The following SGCD variants were observed in gnomAD, a reference collection of about 807,000 sequenced individuals.
SGCD encodes the protein sarcoglycan delta.
SGCD carries 18 observed loss-of-function variants against 36.6 expected under a neutral mutation model. That is an observed-to-expected ratio of 0.49 (90% confidence interval 0.34 to 0.73). The LOEUF (loss-of-function observed/expected upper bound fraction) is 0.73. SGCD is among the 30% of genes least tolerant of loss of function. The pLI is 0.01. For synonymous variants in SGCD, 133 were observed against 130.6 expected (o/e 1.02, Z -0.12); for missense variants, 387 against 346.7 (o/e 1.12, Z -0.92).
At chr5:155,960,421 G>A (rs529655786) in intron 1 of SGCD, among the ~76,000 whole-genome samples, 31 of 152,140 alleles carry the variant, frequency 2.0e-4, no homozygotes, top group Non-Finnish European at 3.4e-4. Flanking sequence ...CCAGTCTTCT[G>A]TTTGAGGCAA....
chr5:155,795,215 G>A, the SGCD span, among the ~76,000 whole-genome samples: 3 of 152,136 alleles, frequency 2.0e-5, no homozygotes, highest in South Asian at 6.2e-4. Flanking sequence ...CAGAGATGCA[G>A]GAATAAATAG....
At chr5:156,433,336 A>G (rs1334502699) in intron 3 of SGCD, among the ~76,000 whole-genome samples, 1 of 152,132 alleles carries the variant, frequency 6.6e-6, no homozygotes, top group Non-Finnish European at 1.5e-5. Flanking sequence ...TACCAAAACC[A>G]TAGCCTATTC....
intron 1 of SGCD, among the ~76,000 whole-genome samples, chr5:156,038,855 C>T (rs1759564737): frequency 6.6e-6 from 1 of 152,104 alleles, no homozygotes; most frequent in African/African-American, 2.4e-5. Flanking sequence ...TTTTTCCTGT[C>T]TAACATTGTT....
At chr5:156,609,627 T>A (rs1357899648) in intron 6 of SGCD, among the ~76,000 whole-genome samples, 1 of 152,242 alleles carries the variant, frequency 6.6e-6, no homozygotes. Flanking sequence ...CTGGATAATA[T>A]CCTGCAGAGT....
intron 3 of SGCD, among the ~76,000 whole-genome samples, chr5:156,360,567 G>A (rs1769734543): frequency 1.3e-5 from 2 of 152,000 alleles, no homozygotes; most frequent in South Asian, 4.2e-4. Flanking sequence ...ACCTTTGAGT[G>A]CTGTCTTCAC....
At chr5:156,424,974 A>G (rs895044648) in intron 3 of SGCD, among the ~76,000 whole-genome samples, 9 of 152,064 alleles carry the variant, frequency 5.9e-5, no homozygotes, top group African/African-American at 1.9e-4. Context: ...CCAAAATCCC[A>G]GATTCCCAGA....
chr5:156,503,944 C>T (rs1463561332), intron 3 of SGCD, among the ~76,000 whole-genome samples: 2 of 151,922 alleles, frequency 1.3e-5, no homozygotes, highest in Non-Finnish European at 2.9e-5. Context: ...TGGCTCATGC[C>T]TGTAATTCCA....
chr5:156,528,051 C>A (rs1376211033), intron 4 of SGCD, among the ~76,000 whole-genome samples: 1 of 152,002 alleles, frequency 6.6e-6, no homozygotes, highest in Non-Finnish European at 1.5e-5. Context: ...TTTACATTTA[C>A]CTGTTTGTTT....
intron 1 of SGCD, among the ~76,000 whole-genome samples, chr5:156,012,644 G>C (rs891668026): frequency 2.0e-5 from 3 of 146,840 alleles, no homozygotes; most frequent in Non-Finnish European, 4.5e-5. Flanking sequence ...AGGGAGTCTC[G>C]CTCTGTGGCC....
intron 3 of SGCD, among the ~76,000 whole-genome samples, chr5:156,386,282 A>G (rs995622118): frequency 2.0e-5 from 3 of 152,214 alleles, no homozygotes; most frequent in Non-Finnish European, 4.4e-5. Context: ...GTCTGTGACT[A>G]TCTTCTGTGT....
chr5:156,756,313 A>T (rs568122566), intron 7 of SGCD, among the ~76,000 whole-genome samples: 5 of 152,322 alleles, frequency 3.3e-5, no homozygotes, highest in Admixed American at 2.6e-4. Flanking sequence ...TTGAAAGGCC[A>T]AAGAGAGAAG....
intron 3 of SGCD, among the ~76,000 whole-genome samples, chr5:156,303,932 G>A (rs1767128534): frequency 6.6e-6 from 1 of 151,810 alleles, no homozygotes; most frequent in South Asian, 2.1e-4. Context: ...TATGGTTAGG[G>A]GAGGAGTGAC....
At chr5:156,501,235 C>T (rs1478596362) in intron 3 of SGCD, among the ~76,000 whole-genome samples, 1 of 152,138 alleles carries the variant, frequency 6.6e-6, no homozygotes, top group Non-Finnish European at 1.5e-5. Context: ...TTTCCCAGCA[C>T]ATCTAGCACA....
At chr5:156,030,254 A>G (rs1759316279) in intron 1 of SGCD, among the ~76,000 whole-genome samples, 1 of 152,192 alleles carries the variant, frequency 6.6e-6, no homozygotes, top group Admixed American at 6.5e-5. Context: ...TGTAGGATCT[A>G]AGAATGTGAC....
At chr5:156,636,184 G>C (rs546713973) in intron 6 of SGCD, among the ~76,000 whole-genome samples, 2 of 152,094 alleles carry the variant, frequency 1.3e-5, no homozygotes, top group Admixed American at 6.6e-5. Flanking sequence ...CTGGTAGAAA[G>C]CTATTTCACT....
rs575289368 is a variant in SGCD, at chr5:156,146,174, T to C, written c.-44+22155T>C. On this transcript the variant is annotated intron_variant, in intron 3 of 9. Coordinates refer to the SGCD transcript ENST00000517913. ...CTTGCAGTGAGCTGAGATAGCGCCA[T>C]TGCACTCCAGCCTGGGCGACAGAGC... is the stretch of plus-strand genomic sequence containing the variant. Among the ~76,000 whole-genome samples, 42 of 152,138 alleles carry C rather than the reference T, an allele frequency of 2.8e-4. No individual in the cohort carries two copies. The South Asian group carries it at 5.0e-3, about 18-fold the overall frequency.
intron 3 of SGCD, among the ~76,000 whole-genome samples, chr5:156,158,556 C>T (rs1332821589): frequency 6.6e-6 from 1 of 151,424 alleles, no homozygotes; most frequent in East Asian, 1.9e-4. Flanking sequence ...TCACGGCCTT[C>T]TCTCCAGTCT....
intron 3 of SGCD, among the ~76,000 whole-genome samples, chr5:156,170,937 T>C (rs1763330598): frequency 6.6e-6 from 1 of 152,224 alleles, no homozygotes; most frequent in South Asian, 2.1e-4. Context: ...TTATAAAATG[T>C]TGCCAGACAC....
intron 3 of SGCD, among the ~76,000 whole-genome samples, chr5:156,504,207 C>CAA (rs112419355): frequency 1.5e-4 from 14 of 92,046 alleles, no homozygotes; most frequent in African/African-American, 4.6e-4. Flanking sequence ...AGCTCTGTCT[C>CAA]AAAAAAAAAA....
Sources: gnomAD v4.1 joint callset for allele counts (sites outside exome capture counted in the v4.1 genomes callset) on GRCh38, gnomAD v4.1.1 for gene constraint, MANE v1.5 for transcripts, NCBI Gene and HGNC (gene_info 2026-07-23, HGNC 2026-07-21) for gene names.